The following GLIS3 variants were observed in gnomAD, a reference collection of about 807,000 sequenced individuals.
GLIS3 encodes zinc finger protein GLIS3.
GLIS3 carries 53 observed loss-of-function variants against 78.6 expected under a neutral mutation model. The ratio of observed to expected loss-of-function variants is 0.67; its 90% CI spans 0.54 to 0.85. The LOEUF (loss-of-function observed/expected upper bound fraction) is 0.85. Among genes scored for constraint, GLIS3 ranks in the 40% least tolerant of loss-of-function variants. The probability of loss-of-function intolerance (pLI) is 0.00; values close to 1 mark genes in which losing one functional copy is unlikely to be tolerated. For synonymous variants in GLIS3, 684 were observed against 509.9 expected (o/e 1.34, Z -4.60); for missense variants, 1,703 against 1,231.1 (o/e 1.38, Z -5.74).
At chr9:4,053,340 C>T (rs1825875365) in intron 4 of GLIS3, among the ~76,000 whole-genome samples, 1 of 152,192 alleles carries the variant, frequency 6.6e-6, no homozygotes. Flanking sequence ...GCCCAGCTCA[C>T]TGACCACCTC....
At chr9:4,357,345 C>T in the GLIS3 span, among the ~76,000 whole-genome samples, 4 of 152,172 alleles carry the variant, frequency 2.6e-5, no homozygotes, top group Non-Finnish European at 5.9e-5. Flanking sequence ...TTTAATAGAA[C>T]CACAGCCTGA....
At chr9:4,135,257 G>C (rs1216707565) in intron 2 of GLIS3, among the ~76,000 whole-genome samples, 3 of 152,048 alleles carry the variant, frequency 2.0e-5, no homozygotes. Flanking sequence ...TTGTGTATGT[G>C]TCCATGTGCT....
upstream of GLIS3, among the ~76,000 whole-genome samples, chr9:4,304,044 T>C (rs1445322755): frequency 1.3e-5 from 2 of 152,236 alleles, no homozygotes; most frequent in African/African-American, 4.8e-5. Context: ...CTAGCAATAG[T>C]ACTGGGCACT....
chr9:4,298,153 A>C (rs1816747425), intron 1 of GLIS3, among the ~76,000 whole-genome samples: 1 of 152,028 alleles, frequency 6.6e-6, no homozygotes, highest in African/African-American at 2.4e-5. Context: ...GCGGCTGGGA[A>C]GCCCGGGCGC....
At chr9:4,414,933 C>T in the GLIS3 span, among the ~76,000 whole-genome samples, 6 of 151,892 alleles carry the variant, frequency 4.0e-5, no homozygotes, top group African/African-American at 1.5e-4. Context: ...CCACTGATCC[C>T]CACCCTGCTC....
At chr9:4,331,541 C>A (rs144217998) in intron 2 of GLIS3, among the ~76,000 whole-genome samples, 170 of 152,280 alleles carry the variant, frequency 1.1e-3, no homozygotes, top group African/African-American at 3.9e-3. Flanking sequence ...TCCGTTGAAG[C>A]AGAAGTTGCA....
chr9:4,265,007 A>G (rs1299341672), intron 2 of GLIS3, among the ~76,000 whole-genome samples: 1 of 146,528 alleles, frequency 6.8e-6, no homozygotes, highest in Non-Finnish European at 1.5e-5. Context: ...TCTACTAAAA[A>G]TACAAAAAAA....
intron 2 of GLIS3, among the ~76,000 whole-genome samples, chr9:4,315,662 C>T (rs1244267997): frequency 6.6e-6 from 1 of 152,132 alleles, no homozygotes; most frequent in Non-Finnish European, 1.5e-5. Flanking sequence ...ATGAACTTTC[C>T]TGCAAAACAC....
chr9:4,148,746 G>T (rs1834430408), intron 2 of GLIS3, among the ~76,000 whole-genome samples: 1 of 152,100 alleles, frequency 6.6e-6, no homozygotes, highest in Non-Finnish European at 1.5e-5. Flanking sequence ...GGGCTACAAG[G>T]AGGGTGGGAT....
At chr9:4,096,131 T>C (rs992181905) in intron 4 of GLIS3, among the ~76,000 whole-genome samples, 1 of 152,170 alleles carries the variant, frequency 6.6e-6, no homozygotes, top group Non-Finnish European at 1.5e-5. Flanking sequence ...ATAAATTCAT[T>C]GACCAAAGGA....
the GLIS3 span, among the ~76,000 whole-genome samples, chr9:4,415,394 C>T: frequency 6.6e-6 from 1 of 152,334 alleles, no homozygotes; most frequent in Admixed American, 6.5e-5. Flanking sequence ...GTTTGCCAGC[C>T]AGTAAATGTT....
intron 2 of GLIS3, among the ~76,000 whole-genome samples, chr9:4,143,580 A>C (rs1168411040): frequency 1.3e-5 from 2 of 151,850 alleles, no homozygotes; most frequent in African/African-American, 2.4e-5. Flanking sequence ...AAAAAATAAA[A>C]ACAAAAAAAA....
intron 2 of GLIS3, 63 bp from the exon 3 acceptor site, chr9:4,126,004 C>G (rs770344214): frequency 1.9e-5 from 24 of 1,252,938 alleles, no homozygotes; most frequent in Non-Finnish European, 4.7e-6. Flanking sequence ...TAAATACAGA[C>G]ATGTGCACGC....
intron 2 of GLIS3, among the ~76,000 whole-genome samples, chr9:4,343,680 T>A (rs2380951): frequency 1.3e-5 from 2 of 152,078 alleles, no homozygotes; most frequent in East Asian, 3.9e-4. Flanking sequence ...CCACCAACGG[T>A]GGACCGGATA....
intron 2 of GLIS3, among the ~76,000 whole-genome samples, chr9:4,342,518 C>T (rs372089391): frequency 2.3e-4 from 35 of 152,252 alleles, no homozygotes; most frequent in African/African-American, 7.9e-4. Flanking sequence ...AGTTGGGTAA[C>T]GTGATCTCTC....
intron 2 of GLIS3, among the ~76,000 whole-genome samples, chr9:4,334,071 A>T (rs747613899): frequency 6.6e-6 from 1 of 152,178 alleles, no homozygotes; most frequent in Non-Finnish European, 1.5e-5. Context: ...CATAATTCAG[A>T]GGGCTTGAAT....
chr9:4,394,361 C>A, the GLIS3 span, among the ~76,000 whole-genome samples: 9 of 150,272 alleles, frequency 6.0e-5, no homozygotes, highest in Non-Finnish European at 1.2e-4. Flanking sequence ...AATCTTTAAG[C>A]CCCTAGCTCA....
At chr9:3,987,836 C>A (rs1219540339) in intron 4 of GLIS3, among the ~76,000 whole-genome samples, 1 of 97,110 alleles carries the variant, frequency 1.0e-5, no homozygotes. Flanking sequence ...TGAATCCAAA[C>A]CAGATAAACT....
In GLIS3 at chr9:3,858,566, C is replaced by T. The variant is rs373197899; in HGVS notation, c.2298-2382G>A. ...AGGCTGAATTTTCCTCTATGTTAGTCAAATAAATGAATTTATACAATATAA... is the reference window on the plus strand; with the variant it reads ...AGGCTGAATTTTCCTCTATGTTAGTTAAATAAATGAATTTATACAATATAA... On this transcript the variant is annotated intron_variant, in intron 8 of 10. Transcript: ENST00000381971. 5.9e-5 allele frequency among the ~76,000 whole-genome samples: 9 copies of T among 151,864 alleles called. No individual in the cohort carries two copies. In the East Asian group the frequency reaches 1.2e-3, roughly 20 times the overall value.
Sources: gnomAD v4.1 joint callset for allele counts (sites outside exome capture counted in the v4.1 genomes callset) on GRCh38, gnomAD v4.1.1 for gene constraint, MANE v1.5 for transcripts, NCBI Gene and HGNC (gene_info 2026-07-23, HGNC 2026-07-21) for gene names.